The following DMXL2 variants were observed in gnomAD, a reference collection of about 807,000 sequenced individuals.
The protein encoded by DMXL2 is dmX-like protein 2.
Under a neutral mutation model 331.1 loss-of-function variants are expected in DMXL2, and 103 were observed. The observed-to-expected ratio is 0.31, with a 90% CI of 0.27 to 0.37. DMXL2 has a LOEUF of 0.37. Among genes scored for constraint, DMXL2 ranks in the 10% least tolerant of loss-of-function variants. The probability of loss-of-function intolerance (pLI) is 1.00; values close to 1 mark genes in which losing one functional copy is unlikely to be tolerated. For missense variants in DMXL2, 3,171 were observed against 3,642.9 expected (o/e 0.87, Z 3.33); for synonymous variants, 1,281 against 1,252.1 (o/e 1.02, Z -0.49).
intron 2 of DMXL2, among the ~76,000 whole-genome samples, chr15:51,569,483 G>T (rs929663218): frequency 6.6e-6 from 1 of 152,138 alleles, no homozygotes; most frequent in African/African-American, 2.4e-5. Context: ...TCTGATACAG[G>T]ACAGACTGCC....
intron 42 of DMXL2, 79 bp downstream of exon 42, chr15:51,451,566 A>C: frequency 8.6e-7 from 1 of 1,164,058 alleles, no homozygotes; most frequent in East Asian, 2.4e-5. Flanking sequence ...GGATTCACTA[A>C]TTAAAACCAA....
rs969630102 is a variant in DMXL2 at position 51,480,577 on chromosome 15, T to A, written c.6529A>T (p.Met2177Leu). Residue 2177 changes from methionine to leucine, a missense_variant, in exon 24 of 44, where the codon ATG becomes TTG. By Grantham distance (15) the Met-to-Leu change is conservative. Around this residue, in one of 7 missense-constraint regions of DMXL2, gnomAD observed 197 missense variants for 196.2 expected, o/e 1.00. Transcript: ENST00000560891. The stretch of plus-strand genomic sequence containing the variant: ...TCTTGTAGCAAAAATTTGAGTTCCA[T>A]CCTTACTGAAGCCAAACCACCACCT... ...AQGGGLASVR[M>L]ELKFLLQESQ... is the part of the protein sequence containing the mutation. 2.6e-6 allele frequency: 4 copies of A among 1,545,702 alleles called. No homozygotes were observed. The highest frequency in any genetic ancestry group is 3.5e-6 in the Non-Finnish European group (4 of 1,143,558).
At position 51,504,025 on chromosome 15, in the gene DMXL2, C is replaced by G. The variant is rs1038913798; in HGVS notation, c.2765-992G>C. Among the ~76,000 whole-genome samples the G allele has an allele frequency of 4.6e-5, 7 of 151,954 alleles. No homozygotes were observed. In the East Asian group the frequency reaches 1.4e-3, roughly 29 times the overall value. Reference sequence around the variant, plus strand: ...AACATGTAAAAGCTAAAAGAAACCCCTTATACAGTCCAGTGCTTACAACCT... The same window carrying G: ...AACATGTAAAAGCTAAAAGAAACCCGTTATACAGTCCAGTGCTTACAACCT... On this transcript the variant is annotated intron_variant, in intron 16 of 43. Coordinates refer to ENST00000560891, the MANE Select transcript of DMXL2 (RefSeq NM_001378457.1).
chr15:51,606,154 A>T (rs1035203956), intron 1 of DMXL2, among the ~76,000 whole-genome samples: 1 of 152,190 alleles, frequency 6.6e-6, no homozygotes, highest in African/African-American at 2.4e-5. Context: ...TCCACATAAC[A>T]TTAGAGACCT....
chr15:51,622,396 G>A, intron 1 of DMXL2, 63 bp downstream of exon 1: 1 of 1,546,828 alleles, frequency 6.5e-7, no homozygotes, highest in Non-Finnish European at 8.7e-7. Context: ...CCCTGGACAG[G>A]AGGTCCCTGC....
chr15:51,480,270 A>G, intron 24 of DMXL2, 131 bp from the exon 25 acceptor site: 1 of 956,582 alleles, frequency 1.0e-6, no homozygotes, highest in Non-Finnish European at 1.5e-6. Flanking sequence ...AAATTTATTG[A>G]GCACCCAGTA....
chr15:51,592,393 G>A (rs190971507), intron 1 of DMXL2, among the ~76,000 whole-genome samples: 2 of 151,500 alleles, frequency 1.3e-5, no homozygotes, highest in African/African-American at 2.4e-5. Flanking sequence ...AACGAACAAA[G>A]CCTCCAAGAA....
In DMXL2 at chr15:51,614,267, T is replaced by C. The variant is rs76105830; in HGVS notation, c.87+8192A>G. 9.6e-3 allele frequency among the ~76,000 whole-genome samples: 1,463 copies of C among 152,206 alleles called. 20 individuals are homozygous for C. Among genetic ancestry groups the C allele is most frequent in the African/African-American group, 0.034 (1,392 of 41,522 alleles). On this transcript the variant is annotated intron_variant, in intron 1 of 43. Coordinates refer to ENST00000560891, the MANE Select transcript of DMXL2 (RefSeq NM_001378457.1). ...ATCTTGGACTTCCAAACTCCAGAAC[T>C]GTGAGGAAAAAAAATCTGTTGTTTA...
Position 51,480,733 on chromosome 15 carries a change from C to T in DMXL2, c.6373G>A (p.Glu2125Lys), listed in dbSNP as rs979848747. 2 of 1,602,960 alleles carry T rather than the reference C, an allele frequency of 1.2e-6. No homozygotes were observed. Among genetic ancestry groups the T allele is most frequent in the Non-Finnish European group, 1.7e-6 (2 of 1,172,436 alleles). The change falls in exon 24 of 44, where the codon GAG (glutamate) becomes AAG (lysine). Residue 2125 changes from glutamate to lysine, a missense_variant. Around this residue, in one of 7 missense-constraint regions of DMXL2, gnomAD observed 197 missense variants for 196.2 expected, o/e 1.00. Transcript: ENST00000560891. ...MVDKPDIGSYERHQIERRRLQ... is the reference protein window; with the variant it reads ...MVDKPDIGSYKRHQIERRRLQ... ...CTTCTTCTTTCTATTTGATGGCGCT[C>T]ATAGGAACCAATATCTGGTTTGTCT...
At chr15:51,617,578 C>T (rs1176402637) in intron 1 of DMXL2, among the ~76,000 whole-genome samples, 1 of 152,186 alleles carries the variant, frequency 6.6e-6, no homozygotes, top group Non-Finnish European at 1.5e-5. Flanking sequence ...AAGCAATATA[C>T]GATAAAGACT....
Position 51,457,484 on chromosome 15 carries a change from G to A in DMXL2, c.8199-18C>T, listed in dbSNP as rs922925936. ...CATCTGAACTGTGAAAAACATTCAT[G>A]TGTTACTGTGAACATTCCCTTTTCT... On this transcript the variant is annotated intron_variant, in intron 36 of 43. Transcript: ENST00000560891. The A allele has an allele frequency of 1.9e-5, 31 of 1,612,966 alleles. No individual in the cohort carries two copies. Among genetic ancestry groups the A allele is most frequent in the Non-Finnish European group, 2.5e-5 (30 of 1,179,336 alleles).
intron 15 of DMXL2, among the ~76,000 whole-genome samples, chr15:51,513,183 A>G (rs2046853911): frequency 6.6e-6 from 1 of 152,188 alleles, no homozygotes; most frequent in South Asian, 2.1e-4. Context: ...AGAAATAAAG[A>G]AAATTTTTAA....
chr15:51,613,584 T>A (rs2414114), intron 1 of DMXL2, among the ~76,000 whole-genome samples: 2 of 152,048 alleles, frequency 1.3e-5, no homozygotes, highest in Admixed American at 6.5e-5. Flanking sequence ...AACTGGAAAC[T>A]TTCAGTTTTA....
intron 6 of DMXL2, among the ~76,000 whole-genome samples, chr15:51,555,094 G>A (rs1443664055): frequency 1.3e-5 from 2 of 152,148 alleles, no homozygotes; most frequent in Non-Finnish European, 2.9e-5. Flanking sequence ...GGAGGCAGAG[G>A]TTGCAGTGAG....
rs112448613 is a variant in DMXL2, at chr15:51,515,685, G to A, written c.2527-1126C>T. Among the ~76,000 whole-genome samples, 1,351 of 152,216 alleles carry A rather than the reference G, an allele frequency of 8.9e-3. 22 individuals are homozygous for A. Among genetic ancestry groups the A allele is most frequent in the African/African-American group, 0.031 (1,299 of 41,534 alleles). Reference sequence around the variant, plus strand: ...TATTGCTTACAGTTTACCAGCCCCTGTGTTAAAAATAGGCACAAGGAGCAG... The same window carrying A: ...TATTGCTTACAGTTTACCAGCCCCTATGTTAAAAATAGGCACAAGGAGCAG... On this transcript the variant is annotated intron_variant, in intron 14 of 43. Coordinates refer to ENST00000560891, the MANE Select transcript of DMXL2 (RefSeq NM_001378457.1).
At chr15:51,466,143 A>G in intron 30 of DMXL2, 41 bp downstream of exon 30, 1 of 1,396,064 alleles carries the variant, frequency 7.2e-7, no homozygotes, top group Non-Finnish European at 9.4e-7. Flanking sequence ...TACAAAAAGA[A>G]AAGCCAAAAA....
At position 51,456,324 on chromosome 15, in the gene DMXL2, G is replaced by A; in HGVS notation, c.8383C>T (p.Pro2795Ser). 6.3e-7 allele frequency: 1 copy of A among 1,597,752 alleles called. No individual in the cohort carries two copies. ...LHNVKRMTSHPVHQYYLTGAQ... is the reference protein window; with the variant it reads ...LHNVKRMTSHSVHQYYLTGAQ... ...AAATACTTACAGTATTGATGGACTGGGTGTGAAGTCATTCTCTTAACATTA... is the reference window on the plus strand; with the variant it reads ...AAATACTTACAGTATTGATGGACTGAGTGTGAAGTCATTCTCTTAACATTA... The change falls in exon 38 of 44, where the codon CCA becomes TCA. Residue 2795 changes from proline to serine, a missense_variant. Physicochemically the swap from Pro to Ser is moderately conservative, Grantham distance 74. Transcript: ENST00000560891.
chr15:51,507,445 G>A (rs932005163), intron 15 of DMXL2, among the ~76,000 whole-genome samples, 192 bp from the exon 16 acceptor site: 9 of 152,058 alleles, frequency 5.9e-5, no homozygotes, highest in African/African-American at 1.9e-4. Flanking sequence ...ATGAAATTAC[G>A]TCAAAAGTAC....
intron 15 of DMXL2, 147 bp from the exon 16 acceptor site, chr15:51,507,400 T>G (rs1466526514): frequency 1.4e-6 from 1 of 722,530 alleles, no homozygotes; most frequent in Non-Finnish European, 2.1e-6. Context: ...TTTATATAAT[T>G]TTTGTACCGA....
Sources: gnomAD v4.1 joint callset for allele counts (sites outside exome capture counted in the v4.1 genomes callset) on GRCh38, gnomAD v4.1.1 for gene constraint, gnomAD v4.1.1 regional missense constraint, MANE v1.5 for transcripts, NCBI Gene and HGNC (gene_info 2026-07-23, HGNC 2026-07-21) for gene names.